The following PGBD1 variants were observed in gnomAD, a reference collection of about 807,000 sequenced individuals.
PGBD1 encodes piggyBac transposable element-derived protein 1.
A neutral mutation model predicts 34.7 loss-of-function variants in PGBD1; 25 were observed. The observed-to-expected ratio is 0.72, with a 90% confidence interval of 0.52 to 1.00. PGBD1 has a LOEUF of 1.00. Ranked by LOEUF, PGBD1 falls within the 50% of genes least tolerant of loss-of-function variation. The pLI is 0.00. For synonymous variants in PGBD1, 292 were observed against 335.7 expected (o/e 0.87, Z 1.42); for missense variants, 830 against 959.4 (o/e 0.87, Z 1.78).
chr6:28,301,395 AT>A lies in PGBD1; in HGVS notation c.1542del (p.Gln515LysfsTer8). ...CACTTTGCAGATAATGGCCACCTAGATCAAAAAGATAAGTTTACAAAGTTGA... is the reference window on the plus strand; with the variant it reads ...CACTTTGCAGATAATGGCCACCTAGACAAAAAGATAAGTTTACAAAGTTGA... Reference protein sequence around the residue: ...NLHFADNGHLDQKDKFTKLRP... With the variant: ...NLHFADNGHLXQKDKFTKLRP... On this transcript the variant is annotated frameshift_variant, in exon 7 of 7. Coordinates refer to ENST00000682144, the MANE Select transcript of PGBD1 (RefSeq NM_032507.4). LOFTEE classifies it low-confidence loss of function (END_TRUNC). 2 of 1,614,138 alleles carry A rather than the reference AT, an allele frequency of 1.2e-6. No homozygotes were observed. Among genetic ancestry groups the A allele is most frequent in the Non-Finnish European group, 1.7e-6 (2 of 1,180,028 alleles).
intron 3 of PGBD1, 149 bp from the exon 4 acceptor site, chr6:28,286,931 G>A: frequency 3.1e-6 from 2 of 645,866 alleles, no homozygotes; most frequent in Non-Finnish European, 5.5e-6. Context: ...GAAAGCAGTT[G>A]TGATGCTCTT....
intron 4 of PGBD1, among the ~76,000 whole-genome samples, chr6:28,288,067 A>G (rs1762340436): frequency 6.6e-6 from 1 of 152,254 alleles, no homozygotes; most frequent in Non-Finnish European, 1.5e-5. Context: ...TTAAGGAGGA[A>G]TAAGAAGACC....
Position 28,301,303 on chromosome 6 carries a change from C to T in PGBD1, c.1449C>T (p.Asp483=), listed in dbSNP as rs770608200. 7.2e-5 allele frequency: 116 copies of T among 1,614,114 alleles called. No homozygotes were observed. Among genetic ancestry groups the T allele is most frequent in the Admixed American group, 2.8e-4 (17 of 60,018 alleles). The change falls in exon 7 of 7, where the codon GAC becomes GAT. Residue 483 remains aspartate (D), a synonymous_variant. Coordinates refer to ENST00000682144, the MANE Select transcript of PGBD1 (RefSeq NM_032507.4). ...PRREMYWEVS[D]TDQNLVRDAI... is the part of the protein sequence containing the mutation. ...GGGAAATGTATTGGGAAGTCTCTGA[C>T]ACCGATCAGAACCTGGTTAGAGATG... is the stretch of plus-strand genomic sequence containing the variant.
In PGBD1 at chr6:28,297,816, GTTTTTTTTTTTTTTTT is replaced by G. The variant is rs368634720; in HGVS notation, c.773-65_773-50del. The G allele has an allele frequency of 8.0e-5, 28 of 350,504 alleles. No homozygotes were observed. In the East Asian group the frequency reaches 8.7e-4, roughly 11 times the overall value. The allele number at this position is 350,504 out of a possible 1,614,324, so 21.7% of individuals were successfully genotyped here. A position where few individuals can be genotyped will look rare whatever the true frequency, so the allele number is the denominator to read the frequency against. ...GGAACATCTATTCCCTACCCTGGAA[GTTTTTTTTTTTTTTTT>G]TTTTTTTTTTTTTCAAAATTCACAT... On this transcript the variant is annotated intron_variant, in intron 5 of 6. Coordinates refer to ENST00000682144, the MANE Select transcript of PGBD1 (RefSeq NM_032507.4).
In PGBD1 at chr6:28,281,606, C is replaced by T. The variant is rs1762130776; in HGVS notation, c.-351C>T. On this transcript the variant is annotated 5_prime_UTR_variant, in exon 1 of 7. Transcript: ENST00000682144. ...CAGCTGCTGGAGGCGCCGGCAGCGC[C>T]CGCCAGACCCGCCAGCCCAGCGGCC... 2.6e-6 allele frequency: 1 copy of T among 382,696 alleles called. No homozygotes were observed. The allele number at this position is 382,696 out of a possible 1,614,324, so 23.7% of individuals were successfully genotyped here.
chr6:28,283,178 A>C (rs34396849), intron 1 of PGBD1, among the ~76,000 whole-genome samples: 9,398 of 152,286 alleles, frequency 0.062, 373 homozygotes, highest in Non-Finnish European at 0.088. Context: ...ACAGCATGGC[A>C]GTCTTATGGC....
At chr6:28,288,911 C>T (rs552415779) in intron 4 of PGBD1, among the ~76,000 whole-genome samples, 1 of 152,148 alleles carries the variant, frequency 6.6e-6, no homozygotes, top group East Asian at 1.9e-4. Context: ...TCGCTTGAAC[C>T]TGGGAGATGG....
intron 4 of PGBD1, 120 bp downstream of exon 4, chr6:28,287,288 C>A: frequency 1.2e-6 from 1 of 812,718 alleles, no homozygotes; most frequent in Non-Finnish European, 2.1e-6. Flanking sequence ...GTGGCATAGT[C>A]CCTCTGCCTT....
chr6:28,298,297 T>C (rs1762721384), intron 6 of PGBD1, among the ~76,000 whole-genome samples: 1 of 152,050 alleles, frequency 6.6e-6, no homozygotes, highest in South Asian at 2.1e-4. Context: ...GTGGAGAAGC[T>C]AGAAGGCAGA....
Position 28,302,422 on chromosome 6 carries a change from A to G in PGBD1, c.*138A>G. The G allele has an allele frequency of 1.1e-6, 1 of 919,114 alleles. No homozygotes were observed. The highest frequency in any genetic ancestry group is 1.6e-6 in the Non-Finnish European group (1 of 640,420). 56.9% of individuals were successfully genotyped at this position (919,114 alleles called of 1,614,324 possible). On this transcript the variant is annotated 3_prime_UTR_variant, in exon 7 of 7. Coordinates refer to ENST00000682144, the MANE Select transcript of PGBD1 (RefSeq NM_032507.4). ...TAATACTTTTAAAAATCAGACATTTATATAGAGTTTCAAAGACTATTGTAA... is the reference window on the plus strand; with the variant it reads ...TAATACTTTTAAAAATCAGACATTTGTATAGAGTTTCAAAGACTATTGTAA...
intron 3 of PGBD1, among the ~76,000 whole-genome samples, chr6:28,286,526 G>T (rs1307910698): frequency 6.6e-6 from 1 of 152,178 alleles, no homozygotes; most frequent in Non-Finnish European, 1.5e-5. Context: ...ACAGTGGCTG[G>T]CCTTGTGCAG....
chr6:28,286,495 A>G (rs1001124101), intron 3 of PGBD1, among the ~76,000 whole-genome samples: 3 of 152,232 alleles, frequency 2.0e-5, no homozygotes, highest in African/African-American at 7.2e-5. Flanking sequence ...AGGATTGGAA[A>G]TAATCTTTTA....
rs769622155 is a variant in PGBD1 at position 28,284,178 on chromosome 6, T to G, written c.365T>G (p.Leu122Arg). ...GAGGCAGTGACAGTGCTGGAGAATC[T>G]AGAGACAGGAAGTGGAGACACAGGA... ...GEEAVTVLEN[L>R]ETGSGDTGQQ... The change falls in exon 2 of 7, where the codon CTA (leucine) becomes CGA (arginine). Residue 122 changes from leucine (L) to arginine (R), a missense_variant. Coordinates refer to ENST00000682144, the MANE Select transcript of PGBD1 (RefSeq NM_032507.4). 6.4e-7 allele frequency: 1 copy of G among 1,571,434 alleles called. No homozygotes were observed. Among genetic ancestry groups the G allele is most frequent in the Admixed American group, 1.8e-5 (1 of 55,236 alleles).
At position 28,284,225 on chromosome 6, in the gene PGBD1, G is replaced by A. The variant is rs1056565223; in HGVS notation, c.396+16G>A. The A allele has an allele frequency of 8.1e-6, 12 of 1,484,596 alleles. No individual in the cohort carries two copies. Among genetic ancestry groups the A allele is most frequent in the Non-Finnish European group, 9.9e-6 (11 of 1,115,258 alleles). 92.0% of individuals were successfully genotyped at this position (1,484,596 alleles called of 1,614,324 possible). A position where few individuals can be genotyped will look rare whatever the true frequency, so the allele number is the denominator to read the frequency against. On this transcript the variant is annotated intron_variant, in intron 2 of 6. Transcript: ENST00000682144. ...AGGACAACAGGTGGGAAGAGAATGT[G>A]TGTGGTGATGTGGGAGAAGAAAAGG...
rs779438331 is a variant in PGBD1, at chr6:28,301,646, C to T, written c.1792C>T (p.Pro598Ser). 2.5e-6 allele frequency: 4 copies of T among 1,614,078 alleles called. No homozygotes were observed. The highest frequency in any genetic ancestry group is 3.3e-5 in the Admixed American group (2 of 60,004). The change falls in exon 7 of 7, where the codon CCT becomes TCT. Residue 598 changes from proline (P) to serine (S), a missense_variant. Around this residue, in one of 3 missense-constraint regions of PGBD1, gnomAD observed 372 missense variants for 427.9 expected, o/e 0.87. Coordinates refer to ENST00000682144, the MANE Select transcript of PGBD1 (RefSeq NM_032507.4). ...ATCAACTATGAAGGTAGATGAGGAT[C>T]CTGATCTTGGGTTAGGTGGAAATCT... ...EESTMKVDED[P>S]DLGLGGNLVM... is the part of the protein sequence containing the mutation.
intron 6 of PGBD1, among the ~76,000 whole-genome samples, chr6:28,299,618 T>G (rs1202805746): frequency 2.6e-5 from 4 of 152,236 alleles, no homozygotes; most frequent in African/African-American, 9.6e-5. Context: ...CTCTTCATGC[T>G]TCTTAAATGT....
intron 4 of PGBD1, 106 bp from the exon 5 acceptor site, chr6:28,296,710 G>A: frequency 2.3e-6 from 3 of 1,305,662 alleles, no homozygotes; most frequent in Non-Finnish European, 3.2e-6. Context: ...AAAATGCCCT[G>A]AGGGGCTGGG....
intron 4 of PGBD1, among the ~76,000 whole-genome samples, chr6:28,295,231 A>G (rs556158722): frequency 6.6e-6 from 1 of 152,368 alleles, no homozygotes; most frequent in African/African-American, 2.4e-5. Flanking sequence ...ACTTGAACAG[A>G]TAAGTTACTT....
chr6:28,286,820 A>G (rs917610184), intron 3 of PGBD1, among the ~76,000 whole-genome samples: 21 of 152,068 alleles, frequency 1.4e-4, no homozygotes, highest in African/African-American at 5.1e-4. Context: ...TCTTTATGTG[A>G]AAGTGCATGA....
Sources: gnomAD v4.1 joint callset for allele counts (sites outside exome capture counted in the v4.1 genomes callset) on GRCh38, gnomAD v4.1.1 for gene constraint, gnomAD v4.1.1 regional missense constraint, MANE v1.5 for transcripts, NCBI Gene and HGNC (gene_info 2026-07-23, HGNC 2026-07-21) for gene names.